LYST: variants seen among roughly 807,000 people sequenced by gnomAD.
LYST encodes the protein lysosomal-trafficking regulator.
LYST carries 192 observed loss-of-function variants against 413.6 expected under a neutral mutation model. The observed-to-expected ratio is 0.46, with a 90% CI of 0.41 to 0.52. LYST has a LOEUF of 0.52. Ranked by LOEUF, LYST falls within the 20% of genes least tolerant of loss-of-function variation. The probability of loss-of-function intolerance (pLI) is 0.00; values close to 1 mark genes in which losing one functional copy is unlikely to be tolerated. For missense variants in LYST, 3,815 were observed against 4,499.9 expected, an observed-to-expected ratio of 0.85 and a Z score of 4.35; for synonymous variants, 1,525 against 1,567.3, an observed-to-expected ratio of 0.97 and a Z score of 0.64.
chr1:235,752,114 T>G lies in LYST; in HGVS notation c.7518A>C (p.Ala2506=). The stretch of plus-strand genomic sequence containing the variant: ...AGGAACTGCAAGCATGAATTGTAAC[T>G]GCTATGAAAAGTTGCTGTATATCAC... ...LACDIQQLFI[A]VTIHACSSSG... The change falls in exon 27 of 53, where the codon GCA becomes GCC. Residue 2506 remains alanine, a synonymous_variant. Coordinates refer to ENST00000389793, the MANE Select transcript of LYST (RefSeq NM_000081.4). 1 of 1,611,788 alleles carries G rather than the reference T, an allele frequency of 6.2e-7. No individual in the cohort carries two copies. Among genetic ancestry groups the G allele is most frequent in the South Asian group, 1.1e-5 (1 of 91,008 alleles).
chr1:235,693,670 C>T (rs1301272467), intron 46 of LYST, among the ~76,000 whole-genome samples, 184 bp from the exon 47 acceptor site: 1 of 152,100 alleles, frequency 6.6e-6, no homozygotes, highest in Non-Finnish European at 1.5e-5. Context: ...TAACAGGGTT[C>T]TCAGGGTGGG....
Position 235,771,264 on chromosome 1 carries a change from C to T in LYST, c.5785-967G>A, listed in dbSNP as rs3768059. ...TAGTGCCAATGTAAACAAACAAATA[C>T]CAACAAAAAAAGAAAAACGAGACTT... On this transcript the variant is annotated intron_variant, in intron 19 of 52. Coordinates refer to ENST00000389793, the MANE Select transcript of LYST (RefSeq NM_000081.4). 6.4e-4 allele frequency among the ~76,000 whole-genome samples: 98 copies of T among 151,944 alleles called. 2 individuals carry two copies. In the East Asian group the frequency reaches 0.019, roughly 29 times the overall value.
chr1:235,702,620 C>T (rs368963679), intron 45 of LYST, 127 bp downstream of exon 45: 11 of 793,556 alleles, frequency 1.4e-5, no homozygotes, highest in African/African-American at 1.4e-4. Flanking sequence ...CGCTGCTGCA[C>T]CTGTCTTGCA....
At chr1:235,728,693 G>C (rs1302220130) in intron 37 of LYST, among the ~76,000 whole-genome samples, 4 of 152,104 alleles carry the variant, frequency 2.6e-5, no homozygotes, top group African/African-American at 4.8e-5. Context: ...CTTCTCTGAG[G>C]TTCCGCCCCC....
chr1:235,731,144 G>A lies in LYST; in HGVS notation c.8835C>T (p.Thr2945=). ...AVWYDPIYYP[T]SWQLDPTEGP... is the part of the protein sequence containing the mutation. ...CTTCTGTTGGATCCAACTGCCATGA[G>A]GTTGGATAGTAGATGGGGTCATACC... Residue 2945 remains threonine, a synonymous_variant, in exon 35 of 53, where the codon ACC becomes ACT. Coordinates refer to ENST00000389793, the MANE Select transcript of LYST (RefSeq NM_000081.4). 6.2e-7 allele frequency: 1 copy of A among 1,613,780 alleles called. No individual in the cohort carries two copies. Among genetic ancestry groups the A allele is most frequent in the Non-Finnish European group, 8.5e-7 (1 of 1,179,748 alleles).
At chr1:235,790,301 T>C (rs1572265410) in intron 12 of LYST, among the ~76,000 whole-genome samples, 2 of 152,312 alleles carry the variant, frequency 1.3e-5, no homozygotes, top group African/African-American at 4.8e-5. Flanking sequence ...TGGGTTTCAA[T>C]TCCTTTCCAT....
At chr1:235,834,310 A>G (rs1013888825) in intron 1 of LYST, among the ~76,000 whole-genome samples, 10 of 152,206 alleles carry the variant, frequency 6.6e-5, no homozygotes, top group African/African-American at 2.4e-4. Context: ...TACCAGGAAG[A>G]AGCATGAAGA....
chr1:235,663,167 A>C (rs1170283319), intron 52 of LYST, 89 bp from the exon 53 acceptor site: 1 of 912,654 alleles, frequency 1.1e-6, no homozygotes, highest in African/African-American at 1.6e-5. Context: ...TAGTGTAAAG[A>C]AGTTATCTTC....
chr1:235,786,843 G>A (rs1350883602), intron 14 of LYST, among the ~76,000 whole-genome samples: 3 of 139,794 alleles, frequency 2.1e-5, no homozygotes, highest in Admixed American at 1.6e-4. Context: ...GGTGGGAATT[G>A]AACAATGAGA....
chr1:235,788,951 TATCTACCCA>T, intron 12 of LYST, 106 bp from the exon 13 acceptor site: 1 of 986,068 alleles, frequency 1.0e-6, no homozygotes, highest in Non-Finnish European at 1.6e-6. Context: ...TGTAGTAGGT[TATCTACCCA>T]GAATGTCTGA....
In LYST at chr1:235,854,906, T is replaced by C. The variant is rs1480326327; in HGVS notation, c.-98+11937A>G. On this transcript the variant is annotated intron_variant, in intron 1 of 52. Coordinates refer to ENST00000389793, the MANE Select transcript of LYST (RefSeq NM_000081.4). The surrounding 1 kb of genome is among the most constrained non-coding windows in gnomAD (Gnocchi z 4.1). ...CCACTAAAAATGTTACTCATATCCC[T>C]TGGAATGACAAATGTCACTCCAATT... 2.0e-5 allele frequency among the ~76,000 whole-genome samples: 3 copies of C among 152,202 alleles called. No individual in the cohort carries two copies. Among genetic ancestry groups the C allele is most frequent in the Non-Finnish European group, 4.4e-5 (3 of 68,038 alleles).
upstream of LYST, among the ~76,000 whole-genome samples, chr1:235,867,207 C>A (rs74148909): frequency 6.6e-6 from 1 of 152,232 alleles, no homozygotes; most frequent in Non-Finnish European, 1.5e-5. Context: ...TGGGTCCGCA[C>A]CTCCTCCCAG....
In LYST at chr1:235,727,267, C is replaced by T. The variant is rs191708376; in HGVS notation, c.9162+809G>A. On this transcript the variant is annotated intron_variant, in intron 38 of 52. Coordinates refer to ENST00000389793, the MANE Select transcript of LYST (RefSeq NM_000081.4). ...CCTCCCGAGTAGCTGGGATTATAGG[C>T]GCCACCACCACAACTGGCTAATTTT... is the stretch of plus-strand genomic sequence containing the variant. Among the ~76,000 whole-genome samples the T allele has an allele frequency of 2.9e-3, 445 of 151,628 alleles. 2 individuals carry two copies. The highest frequency in any genetic ancestry group is 4.8e-3 in the South Asian group (23 of 4,788).
intron 47 of LYST, among the ~76,000 whole-genome samples, chr1:235,687,471 T>G (rs1420005238): frequency 6.6e-6 from 1 of 152,196 alleles, no homozygotes; most frequent in African/African-American, 2.4e-5. Context: ...CAGGTACATG[T>G]AAACAGAGGT....
intron 32 of LYST, 135 bp downstream of exon 32, chr1:235,734,348 T>C (rs1664635753): frequency 1.3e-6 from 1 of 770,974 alleles, no homozygotes. Context: ...AGCAATATAG[T>C]ATATAGGAAA....
At chr1:235,813,201 C>T (rs1183832114) in intron 3 of LYST, 140 bp from the exon 4 acceptor site, 1 of 679,384 alleles carries the variant, frequency 1.5e-6, no homozygotes, top group East Asian at 2.7e-5. Context: ...ATTAACCTAT[C>T]TTCAATCCAG....
chr1:235,721,532 C>T (rs747280077), intron 39 of LYST, among the ~76,000 whole-genome samples: 4 of 151,772 alleles, frequency 2.6e-5, no homozygotes, highest in Admixed American at 6.6e-5. Context: ...ACAGACAAGA[C>T]GAGCTTTGCT....
intron 48 of LYST, among the ~76,000 whole-genome samples, chr1:235,685,697 T>C (rs1318510133): frequency 6.6e-6 from 1 of 151,420 alleles, no homozygotes; most frequent in East Asian, 2.0e-4. Context: ...AATACAAAAA[T>C]TAGCCGGGTG....
At chr1:235,795,979 G>A (rs1007252398) in intron 10 of LYST, among the ~76,000 whole-genome samples, 5 of 151,812 alleles carry the variant, frequency 3.3e-5, no homozygotes, top group Non-Finnish European at 7.4e-5. Flanking sequence ...TCAAAAAAGA[G>A]CTCTTAAATA....
Sources: allele counts gnomAD v4.1 joint callset (sites outside exome capture counted in the v4.1 genomes callset), GRCh38; gene constraint gnomAD v4.1.1; non-coding constraint Gnocchi (gnomAD v3.1); transcripts MANE v1.5; gene names NCBI Gene and HGNC (gene_info 2026-07-23, HGNC 2026-07-21).